HMGCLL1: variants seen among roughly 807,000 people sequenced by gnomAD.
The protein encoded by HMGCLL1 is 3-hydroxy-3-methylglutaryl-CoA lyase like 1.
A neutral mutation model predicts 39.1 loss-of-function variants in HMGCLL1; 36 were observed. That is an observed-to-expected ratio of 0.92 (90% CI 0.71 to 1.22). The LOEUF is 1.22. Ranked by LOEUF, HMGCLL1 falls within the 50% of genes most tolerant of loss-of-function variation. HMGCLL1 has a pLI of 0.00. For missense variants in HMGCLL1, 451 were observed against 416.5 expected, an observed-to-expected ratio of 1.08 and a Z score of -0.72; for synonymous variants, 149 against 144.0, an observed-to-expected ratio of 1.03 and a Z score of -0.25.
At chr6:55,530,596 T>C (rs1364057854) in intron 3 of HMGCLL1, among the ~76,000 whole-genome samples, 1 of 152,126 alleles carries the variant, frequency 6.6e-6, no homozygotes, top group Non-Finnish European at 1.5e-5. Context: ...AAAAAACGTA[T>C]ATTCTTTTTC....
At chr6:55,663,116 T>TA in the HMGCLL1 span, among the ~76,000 whole-genome samples, 64 of 150,654 alleles carry the variant, frequency 4.2e-4, no homozygotes, top group South Asian at 1.5e-3. Flanking sequence ...TCTTATTAAT[T>TA]AAAAAAAAAC....
chr6:55,466,379 A>ATTTGAGAATCCGC (rs1302752018), intron 7 of HMGCLL1, among the ~76,000 whole-genome samples: 1 of 152,062 alleles, frequency 6.6e-6, no homozygotes, highest in African/African-American at 2.4e-5. Context: ...CTTTGAGCTA[A>ATTTGAGAATCCGC]TTTGAGAATC....
intron 5 of HMGCLL1, among the ~76,000 whole-genome samples, chr6:55,507,611 A>C (rs1185515465): frequency 6.6e-6 from 1 of 151,830 alleles, no homozygotes; most frequent in Non-Finnish European, 1.5e-5. Context: ...AAATTAAACC[A>C]ATGTAGTTTC....
chr6:55,628,745 C>T, the HMGCLL1 span, among the ~76,000 whole-genome samples: 1 of 152,040 alleles, frequency 6.6e-6, no homozygotes, highest in East Asian at 1.9e-4. Context: ...AGGGGCAGGT[C>T]TTTCCCATGC....
At chr6:55,527,267 A>T (rs1268939779) in intron 3 of HMGCLL1, among the ~76,000 whole-genome samples, 1 of 152,082 alleles carries the variant, frequency 6.6e-6, no homozygotes, top group African/African-American at 2.4e-5. Context: ...AACTGAATCC[A>T]TCATCAGCAT....
At chr6:55,575,394 A>G (rs1771712779) in intron 1 of HMGCLL1, among the ~76,000 whole-genome samples, 1 of 152,248 alleles carries the variant, frequency 6.6e-6, no homozygotes, top group Middle Eastern at 3.4e-3. Context: ...GTATATATTC[A>G]TACACACAAT....
intron 5 of HMGCLL1, among the ~76,000 whole-genome samples, chr6:55,507,187 A>G (rs1269585833): frequency 6.6e-6 from 1 of 151,768 alleles, no homozygotes; most frequent in Non-Finnish European, 1.5e-5. Flanking sequence ...ATAGGTTTGG[A>G]CTCAAACATA....
chr6:55,604,005 G>C, the HMGCLL1 span, among the ~76,000 whole-genome samples: 1 of 152,128 alleles, frequency 6.6e-6, no homozygotes. Context: ...TATTCCCATA[G>C]AGAAGTAGTT....
At chr6:55,472,103 G>T (rs1211126826) in intron 7 of HMGCLL1, among the ~76,000 whole-genome samples, 2 of 151,630 alleles carry the variant, frequency 1.3e-5, no homozygotes, top group African/African-American at 4.8e-5. Context: ...AAGAGTACTA[G>T]TGTGAACATT....
At chr6:55,638,559 CAA>C in the HMGCLL1 span, among the ~76,000 whole-genome samples, 937 of 152,006 alleles carry the variant, frequency 6.2e-3, 14 homozygotes, top group African/African-American at 0.021. Flanking sequence ...AAAACAAAAA[CAA>C]AACAAAAAAT....
chr6:55,446,856 C>T (rs576532948), intron 7 of HMGCLL1, among the ~76,000 whole-genome samples: 11 of 151,300 alleles, frequency 7.3e-5, no homozygotes, highest in Middle Eastern at 3.4e-3. Context: ...TACTAAAGTC[C>T]CAAAAAACAA....
At chr6:55,580,092 T>C (rs1186304108), upstream of HMGCLL1, among the ~76,000 whole-genome samples, 1 of 152,176 alleles carries the variant, frequency 6.6e-6, no homozygotes, top group East Asian at 1.9e-4. Flanking sequence ...GCATCAGCCC[T>C]GGTGGCTGAT....
the HMGCLL1 span, among the ~76,000 whole-genome samples, chr6:55,660,045 T>TTG: frequency 6.6e-6 from 1 of 151,786 alleles, no homozygotes; most frequent in Non-Finnish European, 1.5e-5. Context: ...AGTGCTTTTA[T>TTG]CCTGGCTAGA....
chr6:55,633,145 C>T, the HMGCLL1 span, among the ~76,000 whole-genome samples: 1 of 152,048 alleles, frequency 6.6e-6, no homozygotes, highest in Non-Finnish European at 1.5e-5. Flanking sequence ...GACTCACTAG[C>T]CCACACCAGC....
At chr6:55,486,817 CAATTCTAGCAGTTCTA>C (rs1052099455) in intron 7 of HMGCLL1, among the ~76,000 whole-genome samples, 1 of 152,068 alleles carries the variant, frequency 6.6e-6, no homozygotes, top group African/African-American at 2.4e-5. Context: ...TTATTTCTCA[CAATTCTAGCAGTTCTA>C]GAAGCTGGGA....
the HMGCLL1 span, among the ~76,000 whole-genome samples, chr6:55,639,937 G>A: frequency 1.3e-5 from 2 of 152,014 alleles, no homozygotes; most frequent in African/African-American, 4.8e-5. Flanking sequence ...AATTAGCCAG[G>A]CGTGGTGGCA....
At chr6:55,514,690 T>G (rs1359604613) in intron 4 of HMGCLL1, among the ~76,000 whole-genome samples, 1 of 152,210 alleles carries the variant, frequency 6.6e-6, no homozygotes, top group African/African-American at 2.4e-5. Context: ...TCTCCTAACC[T>G]AGCTTTTATT....
intron 3 of HMGCLL1, among the ~76,000 whole-genome samples, chr6:55,522,065 C>T (rs931695290): frequency 6.6e-6 from 1 of 152,008 alleles, no homozygotes; most frequent in African/African-American, 2.4e-5. Context: ...CCAGCCACAA[C>T]ATTCCCCTAA....
At chr6:55,510,786 T>C (rs1767417710) in intron 5 of HMGCLL1, among the ~76,000 whole-genome samples, 1 of 150,120 alleles carries the variant, frequency 6.7e-6, no homozygotes, top group African/African-American at 2.4e-5. Context: ...AAACTTAAAG[T>C]ATAATAATAA....
Sources: allele counts gnomAD v4.1 joint callset (sites outside exome capture counted in the v4.1 genomes callset), GRCh38; gene constraint gnomAD v4.1.1; transcripts MANE v1.5; gene names NCBI Gene and HGNC (gene_info 2026-07-23, HGNC 2026-07-21).